RARB: variants seen among roughly 807,000 people sequenced by gnomAD.
RARB encodes the protein retinoic acid receptor beta, also known as HBV-activated protein.
RARB carries 17 observed loss-of-function variants against 51.9 expected under a neutral mutation model. The ratio of observed to expected loss-of-function variants is 0.33; its 90% CI spans 0.22 to 0.49. RARB has a LOEUF of 0.49. RARB is among the 20% of genes least tolerant of loss of function. The pLI, the probability that RARB is intolerant of heterozygous loss-of-function variation, is 0.99. For synonymous variants in RARB, 215 were observed against 195.4 expected (o/e 1.10, Z -0.84); for missense variants, 369 against 550.8 (o/e 0.67, Z 3.30).
chr3:25,332,041 C>G lies in RARB; in HGVS notation c.179-129152C>G, dbSNP rs555480437. On this transcript the variant is annotated intron_variant, in intron 5 of 11. Transcript: ENST00000383772. ...AATTGAGGCAATAATTAATAGCTTA[C>G]CAACCAAAAAAAGTTCAGGACCAGA... 4.1e-3 allele frequency among the ~76,000 whole-genome samples: 618 copies of G among 152,242 alleles called. 3 individuals carry two copies. Among genetic ancestry groups the G allele is most frequent in the African/African-American group, 0.014 (589 of 41,546 alleles).
Position 24,971,656 on chromosome 3 carries a change from C to G in RARB, c.-379-88469C>G, listed in dbSNP as rs115600641. On this transcript the variant is annotated intron_variant, in intron 2 of 11. Coordinates refer to the RARB transcript ENST00000383772. ...ACATAGCTGCTTTAAAAAGGACTGA[C>G]AAAGGAGGTGATTACATGATCAGAG... 5.8e-3 allele frequency among the ~76,000 whole-genome samples: 884 copies of G among 152,068 alleles called. 8 individuals are homozygous for G. The highest frequency in any genetic ancestry group is 0.02 in the African/African-American group (833 of 41,530).
At chr3:25,568,852 C>T (rs1017557143) in intron 3 of RARB, among the ~76,000 whole-genome samples, 3 of 152,230 alleles carry the variant, frequency 2.0e-5, no homozygotes, top group Non-Finnish European at 4.4e-5. Context: ...CTGTCTGCCT[C>T]CCTGGGTTTC....
At chr3:25,436,068 C>T (rs978870616) in intron 1 of RARB, among the ~76,000 whole-genome samples, 7 of 152,260 alleles carry the variant, frequency 4.6e-5, no homozygotes, top group South Asian at 2.1e-4. Flanking sequence ...TTATCTTTTA[C>T]GCTTCATCTT....
chr3:25,571,578 A>G (rs1700713583), intron 4 of RARB, among the ~76,000 whole-genome samples: 1 of 152,242 alleles, frequency 6.6e-6, no homozygotes, highest in South Asian at 2.1e-4. Flanking sequence ...AGGCCAGGAC[A>G]AGACTGGACA....
intron 2 of RARB, among the ~76,000 whole-genome samples, chr3:24,928,425 A>AC (rs1695364951): frequency 6.6e-6 from 1 of 151,986 alleles, no homozygotes; most frequent in Non-Finnish European, 1.5e-5. Flanking sequence ...AGATGGAAAG[A>AC]CCTAGGTGCA....
chr3:25,154,152 T>C (rs1402788606), intron 4 of RARB, among the ~76,000 whole-genome samples: 1 of 152,234 alleles, frequency 6.6e-6, no homozygotes, highest in African/African-American at 2.4e-5. Flanking sequence ...TATTGATTTT[T>C]CCTTTTATTC....
intron 1 of RARB, among the ~76,000 whole-genome samples, chr3:24,857,616 TTAAC>T (rs1299111342): frequency 3.3e-5 from 5 of 152,170 alleles, no homozygotes; most frequent in South Asian, 2.1e-4. Context: ...TTACTCCTCT[TTAAC>T]TAATGCTGTT....
Position 25,210,786 on chromosome 3 carries a change from C to T in RARB, c.178+36211C>T, listed in dbSNP as rs539300319. On this transcript the variant is annotated intron_variant, in intron 5 of 11. Coordinates refer to the RARB transcript ENST00000383772. ...CTGACCTCAAGTGAATCGCCCACCT[C>T]AGCTTCCCAAAGTGCTGGGATTACA... Among the ~76,000 whole-genome samples, 14 of 152,046 alleles carry T rather than the reference C, an allele frequency of 9.2e-5. No individual in the cohort carries two copies. In the East Asian group the frequency reaches 1.9e-3, roughly 21 times the overall value.
intron 5 of RARB, among the ~76,000 whole-genome samples, chr3:25,264,319 A>G (rs1167116091): frequency 6.6e-6 from 1 of 152,110 alleles, no homozygotes; most frequent in African/African-American, 2.4e-5. Context: ...TGAAAAGGGA[A>G]ACTGGTTTTT....
chr3:24,836,847 C>T (rs547502452), intron 1 of RARB, among the ~76,000 whole-genome samples: 2 of 152,280 alleles, frequency 1.3e-5, no homozygotes, highest in East Asian at 1.9e-4. Flanking sequence ...ATGTGAATAA[C>T]GGTAGTATAT....
At chr3:25,272,840 A>G (rs1456929600) in intron 5 of RARB, among the ~76,000 whole-genome samples, 1 of 152,196 alleles carries the variant, frequency 6.6e-6, no homozygotes, top group Non-Finnish European at 1.5e-5. Flanking sequence ...CTAGTTGTGT[A>G]ACTTTGGATA....
intron 3 of RARB, among the ~76,000 whole-genome samples, chr3:25,123,280 G>A (rs1236488389): frequency 1.3e-5 from 2 of 152,096 alleles, no homozygotes; most frequent in Non-Finnish European, 2.9e-5. Flanking sequence ...TTCTATTGGC[G>A]TCAATTTTCA....
intron 1 of RARB, among the ~76,000 whole-genome samples, chr3:24,834,243 C>T (rs1460981403): frequency 6.6e-6 from 1 of 152,138 alleles, no homozygotes; most frequent in African/African-American, 2.4e-5. Context: ...GAACACAGTA[C>T]TATGTTTGAT....
chr3:25,311,367 T>G (rs1042859859), intron 5 of RARB, among the ~76,000 whole-genome samples: 2 of 152,254 alleles, frequency 1.3e-5, no homozygotes, highest in African/African-American at 4.8e-5. Context: ...TTTTAAAAGA[T>G]ACGGCACTAG....
At chr3:24,909,126 A>T (rs1575066412) in intron 2 of RARB, among the ~76,000 whole-genome samples, 1 of 152,300 alleles carries the variant, frequency 6.6e-6, no homozygotes, top group Non-Finnish European at 1.5e-5. Context: ...GTGGAGTAGG[A>T]AACCAAATCT....
intron 5 of RARB, among the ~76,000 whole-genome samples, chr3:25,344,482 G>A (rs1374244597): frequency 6.6e-6 from 1 of 152,184 alleles, no homozygotes; most frequent in East Asian, 1.9e-4. Flanking sequence ...TGATCATTGT[G>A]TCAGTGGTAA....
At chr3:24,968,620 C>G (rs1220257117) in intron 2 of RARB, among the ~76,000 whole-genome samples, 5 of 152,064 alleles carry the variant, frequency 3.3e-5, no homozygotes, top group African/African-American at 1.2e-4. Flanking sequence ...TGGTGGGTGG[C>G]TATGGTATTA....
At chr3:25,008,342 A>C (rs1216817404) in intron 2 of RARB, among the ~76,000 whole-genome samples, 1 of 152,102 alleles carries the variant, frequency 6.6e-6, no homozygotes, top group Non-Finnish European at 1.5e-5. Context: ...TATACAGATG[A>C]CCGCTCCTCT....
At chr3:25,402,244 C>A (rs1178012554) in intron 5 of RARB, among the ~76,000 whole-genome samples, 4 of 152,110 alleles carry the variant, frequency 2.6e-5, no homozygotes, top group Non-Finnish European at 5.9e-5. Flanking sequence ...TACTCAAAGC[C>A]AGTTTCATCC....
Sources: gnomAD v4.1 joint callset for allele counts (sites outside exome capture counted in the v4.1 genomes callset) on GRCh38, gnomAD v4.1.1 for gene constraint, MANE v1.5 for transcripts, NCBI Gene and HGNC (gene_info 2026-07-23, HGNC 2026-07-21) for gene names.